The following POLQ variants were observed in gnomAD, a reference collection of about 807,000 sequenced individuals.
POLQ encodes epididymis secretory sperm binding protein.
A neutral mutation model predicts 259.2 loss-of-function variants in POLQ; 233 were observed. The observed-to-expected ratio is 0.90, with a 90% confidence interval of 0.81 to 1.00. The LOEUF (loss-of-function observed/expected upper bound fraction) is 1.00. Among genes scored for constraint, POLQ ranks in the 50% least tolerant of loss-of-function variants. POLQ has a pLI of 0.00. For synonymous variants in POLQ, 1,025 were observed against 1,048.8 expected, an observed-to-expected ratio of 0.98 and a Z score of 0.44; for missense variants, 2,871 against 3,051.6, an observed-to-expected ratio of 0.94 and a Z score of 1.39.
intron 4 of POLQ, among the ~76,000 whole-genome samples, chr3:121,538,311 T>C (rs1247742884): frequency 1.3e-5 from 2 of 152,112 alleles, no homozygotes; most frequent in Non-Finnish European, 2.9e-5. Flanking sequence ...AACCAATGTA[T>C]ATACTTGGAA....
Position 121,488,326 on chromosome 3 carries a change from T to G in POLQ, c.4605A>C (p.Lys1535Asn), listed in dbSNP as rs774476781. 1.2e-6 allele frequency: 2 copies of G among 1,612,734 alleles called. No homozygotes were observed. Among genetic ancestry groups the G allele is most frequent in the East Asian group, 2.2e-5 (1 of 44,850 alleles). ...SLCLQEDLIKKSNVNENQDTH... is the reference protein window; with the variant it reads ...SLCLQEDLIKNSNVNENQDTH... ...TATCTTGATTCTCATTTACATTTGA[T>G]TTTTTAATTAGGTCTTCTTGTAGAC... The change falls in exon 16 of 30, where the codon AAA becomes AAC. Residue 1535 changes from lysine (K) to asparagine (N), a missense_variant. Lys to Asn is a moderately conservative substitution (Grantham distance 94). This residue lies in a region of POLQ where 2,080 missense variants were observed against 2,126.0 expected (regional missense o/e 0.98). Transcript: ENST00000264233.
intron 15 of POLQ, among the ~76,000 whole-genome samples, chr3:121,491,139 G>A (rs1349765648): frequency 1.3e-5 from 2 of 151,934 alleles, no homozygotes; most frequent in African/African-American, 2.4e-5. Flanking sequence ...GATCACCTGA[G>A]GTCAGGAGTT....
At chr3:121,442,760 T>C (rs1006619029) in intron 26 of POLQ, among the ~76,000 whole-genome samples, 5 of 152,228 alleles carry the variant, frequency 3.3e-5, no homozygotes, top group Admixed American at 2.0e-4. Context: ...TGGGAGTGCA[T>C]GCAGATATCT....
At chr3:121,439,965 T>C in intron 27 of POLQ, 27 bp downstream of exon 27, 1 of 1,599,760 alleles carries the variant, frequency 6.3e-7, no homozygotes, top group South Asian at 1.1e-5. Flanking sequence ...AATGTTAAGT[T>C]AAAATTCCTA....
At chr3:121,453,602 T>G (rs1167135314) in intron 25 of POLQ, among the ~76,000 whole-genome samples, 1 of 152,046 alleles carries the variant, frequency 6.6e-6, no homozygotes, top group Non-Finnish European at 1.5e-5. Context: ...TGCAGAAGCC[T>G]CAGGAGCCGA....
chr3:121,456,920 C>T (rs1034542132), intron 25 of POLQ, among the ~76,000 whole-genome samples: 62 of 152,018 alleles, frequency 4.1e-4, no homozygotes, highest in African/African-American at 4.3e-4. Context: ...GAGCCTGCAT[C>T]GCCAAGTCAA....
At chr3:121,516,185 G>A (rs1214163360) in intron 9 of POLQ, among the ~76,000 whole-genome samples, 1 of 151,974 alleles carries the variant, frequency 6.6e-6, no homozygotes, top group African/African-American at 2.4e-5. Flanking sequence ...TATGTTAACT[G>A]GCTTAATTCC....
chr3:121,512,902 TACA>T (rs1318076699), intron 9 of POLQ, among the ~76,000 whole-genome samples: 2 of 152,236 alleles, frequency 1.3e-5, no homozygotes, highest in African/African-American at 4.8e-5. Context: ...AAATTTATAT[TACA>T]ACATTTACTA....
chr3:121,452,751 G>A (rs561622870), intron 25 of POLQ, among the ~76,000 whole-genome samples: 39 of 152,308 alleles, frequency 2.6e-4, no homozygotes, highest in South Asian at 1.2e-3. Context: ...AAACTGAGTG[G>A]AGCCCACCAC....
chr3:121,439,910 G>T, intron 27 of POLQ, 82 bp downstream of exon 27: 2 of 1,220,498 alleles, frequency 1.6e-6, no homozygotes, highest in South Asian at 1.3e-5. Flanking sequence ...TCCCTAAAAC[G>T]GATATTTGTA....
rs3218629 is a variant in POLQ at position 121,490,526 on chromosome 3, G to A, written c.2523-118C>T. ...TGAAAAAATAACAATGAAGAAGAGAGAGAAATGTATCTGCTCTCATGGCAC... is the reference window on the plus strand; with the variant it reads ...TGAAAAAATAACAATGAAGAAGAGAAAGAAATGTATCTGCTCTCATGGCAC... On this transcript the variant is annotated intron_variant, in intron 15 of 29. Coordinates refer to ENST00000264233, the MANE Select transcript of POLQ (RefSeq NM_199420.4). 1,105 of 818,624 alleles carry A rather than the reference G, an allele frequency of 1.3e-3. 9 individuals carry two copies. The African/African-American group carries it at 0.016, about 12-fold the overall frequency. 50.7% of individuals were successfully genotyped at this position (818,624 alleles called of 1,614,324 possible). A position where few individuals can be genotyped will look rare whatever the true frequency, so the allele number is the denominator to read the frequency against.
At chr3:121,496,758 G>C (rs367744360) in intron 14 of POLQ, 50 bp downstream of exon 14, 1 of 1,546,680 alleles carries the variant, frequency 6.5e-7, no homozygotes, top group Admixed American at 2.2e-5. Context: ...ATCTTAACTC[G>C]ACCTCAAATC....
At position 121,489,336 on chromosome 3, in the gene POLQ, G is replaced by A; in HGVS notation, c.3595C>T (p.Gln1199Ter). Residue 1199 changes from glutamine (Q) to a stop codon, truncating the protein, a stop_gained, in exon 16 of 30, where the codon CAA becomes TAA. Transcript: ENST00000264233. LOFTEE classifies it high-confidence loss of function. ...IHPINQYLRK[Q>*]SHEQTSTITK... is the part of the protein sequence containing the mutation. ...ATAGTGCTTGTCTGTTCATGAGATT[G>A]CTTTCGCAGGTACTGGTTAATTGGA... 6.2e-7 allele frequency: 1 copy of A among 1,612,986 alleles called. No homozygotes were observed. The highest frequency in any genetic ancestry group is 8.5e-7 in the Non-Finnish European group (1 of 1,179,582).
intron 24 of POLQ, among the ~76,000 whole-genome samples, chr3:121,465,090 CTTT>C (rs527974666): frequency 1.4e-5 from 2 of 141,016 alleles, no homozygotes; most frequent in Non-Finnish European, 1.6e-5. Context: ...TTTCTTTTTT[CTTT>C]TTTTTTTTTT....
At chr3:121,534,280 T>A (rs2048434816) in intron 5 of POLQ, among the ~76,000 whole-genome samples, 1 of 145,286 alleles carries the variant, frequency 6.9e-6, no homozygotes, top group Admixed American at 6.7e-5. Flanking sequence ...ATTTCCTCTT[T>A]CATTTTTTGC....
At chr3:121,483,668 G>T in intron 17 of POLQ, 86 bp from the exon 18 acceptor site, 1 of 954,356 alleles carries the variant, frequency 1.0e-6, no homozygotes, top group South Asian at 2.1e-5. Flanking sequence ...TTAGTAGAAA[G>T]ACTGAAAAAG....
intron 5 of POLQ, among the ~76,000 whole-genome samples, chr3:121,535,954 A>G (rs1393173502): frequency 6.6e-6 from 1 of 152,156 alleles, no homozygotes; most frequent in East Asian, 1.9e-4. Context: ...GATTGGAACA[A>G]CTTGAAGGGC....
intron 5 of POLQ, among the ~76,000 whole-genome samples, 190 bp from the exon 6 acceptor site, chr3:121,533,399 T>C (rs1195062833): frequency 6.6e-6 from 1 of 152,240 alleles, no homozygotes; most frequent in African/African-American, 2.4e-5. Flanking sequence ...TAGTAGATAA[T>C]CCCACATTGT....
intron 13 of POLQ, among the ~76,000 whole-genome samples, chr3:121,497,180 A>C (rs1380982960): frequency 6.6e-6 from 1 of 152,230 alleles, no homozygotes; most frequent in Non-Finnish European, 1.5e-5. Flanking sequence ...GCCCATATTC[A>C]AAACTGCTGC....
Sources: gnomAD v4.1 joint callset for allele counts (sites outside exome capture counted in the v4.1 genomes callset) on GRCh38, gnomAD v4.1.1 for gene constraint, gnomAD v4.1.1 regional missense constraint, MANE v1.5 for transcripts, NCBI Gene and HGNC (gene_info 2026-07-23, HGNC 2026-07-21) for gene names.